ASS1: variants seen among roughly 807,000 people sequenced by gnomAD.
The protein encoded by ASS1 is argininosuccinate synthase 1, also known as argininosuccinate synthase.
In ASS1, 58 loss-of-function variants were observed where a neutral mutation model predicts 60.5. The ratio of observed to expected loss-of-function variants is 0.96; its 90% CI spans 0.78 to 1.19. The LOEUF is 1.19. Among genes scored for constraint, ASS1 ranks in the 50% most tolerant of loss-of-function variants. The pLI is 0.00. For synonymous variants in ASS1, 200 were observed against 206.9 expected (o/e 0.97, Z 0.29); for missense variants, 454 against 547.3 (o/e 0.83, Z 1.70).
At chr9:130,498,471 G>T (rs1262004964) in intron 13 of ASS1, among the ~76,000 whole-genome samples, 1 of 152,208 alleles carries the variant, frequency 6.6e-6, no homozygotes, top group East Asian at 1.9e-4. Flanking sequence ...GATTGCTTCG[G>T]TCTGGCCCCT....
At chr9:130,492,741 AG>A (rs1174584524) in intron 12 of ASS1, among the ~76,000 whole-genome samples, 1 of 152,240 alleles carries the variant, frequency 6.6e-6, no homozygotes, top group Non-Finnish European at 1.5e-5. Flanking sequence ...CCAGTTAGAA[AG>A]GATCGCATGT....
At chr9:130,480,752 TTG>T (rs1846151444) in intron 11 of ASS1, among the ~76,000 whole-genome samples, 1 of 152,110 alleles carries the variant, frequency 6.6e-6, no homozygotes, top group Non-Finnish European at 1.5e-5. Context: ...TCAGGCTGTC[TTG>T]TGTCTGGGGT....
chr9:130,454,405 G>C, intron 3 of ASS1, 32 bp downstream of exon 3: 1 of 1,604,716 alleles, frequency 6.2e-7, no homozygotes, highest in Non-Finnish European at 8.5e-7. Flanking sequence ...TTTGGGCTGG[G>C]AGTGGGGCGG....
chr9:130,490,796 T>G (rs368857609), intron 12 of ASS1, among the ~76,000 whole-genome samples: 1 of 152,150 alleles, frequency 6.6e-6, no homozygotes, highest in Non-Finnish European at 1.5e-5. Flanking sequence ...AGAGAGACCA[T>G]AGGACCCAAA....
At chr9:130,495,613 G>C (rs186036719) in intron 13 of ASS1, among the ~76,000 whole-genome samples, 1 of 151,970 alleles carries the variant, frequency 6.6e-6, no homozygotes, top group Non-Finnish European at 1.5e-5. Context: ...AGTGGCCAGG[G>C]GGAAGGAGCT....
chr9:130,473,895 A>G (rs556599890), intron 8 of ASS1, among the ~76,000 whole-genome samples: 1 of 152,030 alleles, frequency 6.6e-6, no homozygotes, highest in Non-Finnish European at 1.5e-5. Context: ...GGATGAATAA[A>G]CCATTTGCGG....
rs80350028 is a variant in ASS1 at position 130,454,159 on chromosome 9, C to A, written c.106-146C>A. 5.3e-3 allele frequency: 4,399 copies of A among 834,094 alleles called. 132 individuals carry two copies. The African/African-American group carries it at 0.065, about 12-fold the overall frequency. The allele number at this position is 834,094 out of a possible 1,614,324, so 51.7% of individuals were successfully genotyped here. A position where few individuals can be genotyped will look rare whatever the true frequency, so the allele number is the denominator to read the frequency against. ...GAATCTCACCTCTCCAGGCCTTGGG[C>A]TTTGTCCTTTTTCCTTCTTACTGTG... is the stretch of plus-strand genomic sequence containing the variant. On this transcript the variant is annotated intron_variant, in intron 2 of 14. Coordinates refer to ENST00000352480, the MANE Select transcript of ASS1 (RefSeq NM_054012.4).
At chr9:130,461,714 C>A (rs996566293) in intron 4 of ASS1, among the ~76,000 whole-genome samples, 12 of 152,166 alleles carry the variant, frequency 7.9e-5, no homozygotes, top group Admixed American at 7.2e-4. Context: ...GAGTGGAGAA[C>A]CAGGAAGGCT....
chr9:130,463,746 G>T (rs145473458), intron 4 of ASS1, among the ~76,000 whole-genome samples: 162 of 152,314 alleles, frequency 1.1e-3, no homozygotes, highest in African/African-American at 3.8e-3. Context: ...TTGGGGCAGG[G>T]CAGGGTCAGC....
At chr9:130,450,612 T>TG (rs1266332562) in intron 1 of ASS1, among the ~76,000 whole-genome samples, 1 of 152,222 alleles carries the variant, frequency 6.6e-6, no homozygotes, top group African/African-American at 2.4e-5. Flanking sequence ...CCCGGCTGAC[T>TG]GGCAGGTGGG....
Position 130,501,187 on chromosome 9 carries a change from C to T in ASS1, c.*166C>T. 3 of 726,874 alleles carry T rather than the reference C, an allele frequency of 4.1e-6. No homozygotes were observed. The highest frequency in any genetic ancestry group is 1.6e-5 in the South Asian group (1 of 63,538). 45.0% of individuals were successfully genotyped at this position (726,874 alleles called of 1,614,324 possible). On this transcript the variant is annotated 3_prime_UTR_variant, in exon 15 of 15. Transcript: ENST00000352480. ...CCCTGGTCCCCCTGAAGCCTGCAAA[C>T]GTTGTCATCGAAGGGAAGGGTGGGG...
At chr9:130,468,903 A>G (rs80126473) in intron 6 of ASS1, among the ~76,000 whole-genome samples, 7,535 of 152,260 alleles carry the variant, frequency 0.049, 627 homozygotes, top group African/African-American at 0.17. Flanking sequence ...AATTACAATG[A>G]GAGTGTGAGG....
At chr9:130,465,992 G>A (rs1845730420) in intron 5 of ASS1, among the ~76,000 whole-genome samples, 1 of 152,206 alleles carries the variant, frequency 6.6e-6, no homozygotes, top group Admixed American at 6.5e-5. Flanking sequence ...GGAGCTGGGA[G>A]TAGGGCTGTG....
At position 130,494,798 on chromosome 9, in the gene ASS1, C is replaced by T; in HGVS notation, c.971-69C>T. The T allele has an allele frequency of 6.3e-7, 1 of 1,590,330 alleles. No individual in the cohort carries two copies. The highest frequency in any genetic ancestry group is 8.6e-7 in the Non-Finnish European group (1 of 1,160,282). On this transcript the variant is annotated intron_variant, in intron 12 of 14. Coordinates refer to ENST00000352480, the MANE Select transcript of ASS1 (RefSeq NM_054012.4). The surrounding 1 kb of genome is among the most constrained non-coding windows in gnomAD (Gnocchi z 4.3). ...TAAACCATGGGGCACCCTTCCTGTG[C>T]CCCAGGTCTCCCTGTGTCCTCGCGG...
In ASS1 at chr9:130,478,723, G is replaced by A. The variant is rs1846084481; in HGVS notation, c.689-993G>A. 6.6e-6 allele frequency among the ~76,000 whole-genome samples: 1 copy of A among 152,206 alleles called. No individual in the cohort carries two copies. Among genetic ancestry groups the A allele is most frequent in the South Asian group, 2.1e-4 (1 of 4,824 alleles). Reference sequence around the variant, plus strand: ...GGGAGGGAGAGAAAGGGAGAGAGGAGAGGCGGGGGGTGGTGAGAGGGGCTT... The same window carrying A: ...GGGAGGGAGAGAAAGGGAGAGAGGAAAGGCGGGGGGTGGTGAGAGGGGCTT... On this transcript the variant is annotated intron_variant, in intron 9 of 14. Transcript: ENST00000352480. The surrounding 1 kb of genome is among the most constrained non-coding windows in gnomAD (Gnocchi z 4.7).
intron 5 of ASS1, among the ~76,000 whole-genome samples, chr9:130,464,961 A>G (rs1169908239): frequency 6.7e-6 from 1 of 150,018 alleles, no homozygotes; most frequent in Non-Finnish European, 1.5e-5. Context: ...AAGCTGCCCA[A>G]TTTTTCTAGT....
intron 13 of ASS1, among the ~76,000 whole-genome samples, chr9:130,496,045 C>T (rs1272830007): frequency 2.0e-5 from 3 of 152,076 alleles, no homozygotes; most frequent in Non-Finnish European, 4.4e-5. Flanking sequence ...AGGCTGAAGA[C>T]CCTGGAGCAT....
intron 11 of ASS1, among the ~76,000 whole-genome samples, chr9:130,485,766 A>C (rs886905154): frequency 6.6e-6 from 1 of 152,184 alleles, no homozygotes; most frequent in African/African-American, 2.4e-5. Flanking sequence ...GACCAGCAGG[A>C]CTTTGTCAGT....
chr9:130,474,847 C>T (rs1307215444), intron 8 of ASS1, among the ~76,000 whole-genome samples: 2 of 152,342 alleles, frequency 1.3e-5, no homozygotes, highest in African/African-American at 2.4e-5. Context: ...ACCTCTCAGC[C>T]TTGGCTTTCC....
Sources: gnomAD v4.1 joint callset for allele counts (sites outside exome capture counted in the v4.1 genomes callset) on GRCh38, gnomAD v4.1.1 for gene constraint, Gnocchi (gnomAD v3.1) non-coding constraint, MANE v1.5 for transcripts, NCBI Gene and HGNC (gene_info 2026-07-23, HGNC 2026-07-21) for gene names.